IFRD1: variants seen among roughly 807,000 people sequenced by gnomAD.
IFRD1 encodes the protein interferon-related developmental regulator 1.
Under a neutral mutation model 52.9 loss-of-function variants are expected in IFRD1, and 35 were observed. The ratio of observed to expected loss-of-function variants is 0.66; its 90% CI spans 0.51 to 0.88. The LOEUF is 0.88. IFRD1 is among the 40% of genes least tolerant of loss of function. The probability of loss-of-function intolerance (pLI) is 0.00; values close to 1 mark genes in which losing one functional copy is unlikely to be tolerated. For synonymous variants in IFRD1, 184 were observed against 188.4 expected (o/e 0.98, Z 0.19); for missense variants, 517 against 550.8 (o/e 0.94, Z 0.61).
intron 1 of IFRD1, among the ~76,000 whole-genome samples, chr7:112,445,276 C>T (rs922804258): frequency 6.6e-6 from 1 of 151,958 alleles, no homozygotes; most frequent in Non-Finnish European, 1.5e-5. Flanking sequence ...CCGTGTTAGC[C>T]AGGATGGTCT....
At chr7:112,450,235 C>A (rs12531636), upstream of IFRD1, 24,640 of 180,074 alleles carry the variant, frequency 0.14, 1,985 homozygotes, top group South Asian at 0.28. Context: ...CCGGCCCCAG[C>A]CTTACTACGT....
At chr7:112,423,801 C>T (rs961068779) in intron 1 of IFRD1, among the ~76,000 whole-genome samples, 1 of 152,128 alleles carries the variant, frequency 6.6e-6, no homozygotes, top group Non-Finnish European at 1.5e-5. Context: ...TTTTCAAGAT[C>T]GACATGCTTT....
chr7:112,463,382 T>C (rs1439983254), intron 8 of IFRD1, among the ~76,000 whole-genome samples: 1 of 152,206 alleles, frequency 6.6e-6, no homozygotes, highest in African/African-American at 2.4e-5. Flanking sequence ...ACAGGATTAA[T>C]ACAGTTCTGC....
intron 8 of IFRD1, among the ~76,000 whole-genome samples, chr7:112,466,666 G>A (rs2117322504): frequency 6.6e-6 from 1 of 152,170 alleles, no homozygotes; most frequent in East Asian, 1.9e-4. Flanking sequence ...TTAAAATAAT[G>A]TATAGAATTT....
At position 112,475,701 on chromosome 7, in the gene IFRD1, T is replaced by C. The variant is rs895514715; in HGVS notation, c.*182T>C. 18 of 560,576 alleles carry C rather than the reference T, an allele frequency of 3.2e-5. No individual in the cohort carries two copies. The highest frequency in any genetic ancestry group is 2.6e-4 in the African/African-American group (14 of 53,020). The allele number at this position is 560,576 out of a possible 1,614,324, so 34.7% of individuals were successfully genotyped here. On this transcript the variant is annotated 3_prime_UTR_variant, in exon 12 of 12. Transcript: ENST00000403825. ...GGTGAGTTCTGATTATTAAATATTCTCTGTAAATCAGTAAACATGTATAAA... is the reference window on the plus strand; with the variant it reads ...GGTGAGTTCTGATTATTAAATATTCCCTGTAAATCAGTAAACATGTATAAA...
rs572586399 is a variant in IFRD1 at position 112,445,446 on chromosome 7, T to C, written c.-181-5062T>C. 2.8e-4 allele frequency among the ~76,000 whole-genome samples: 43 copies of C among 152,312 alleles called. No homozygotes were observed. The South Asian group carries it at 8.5e-3, about 30-fold the overall frequency. ...AAGTTGCAAAACCTCTCTAAGCTCATTTCTTCATCCACAAAATGGTAAAAC... is the reference window on the plus strand; with the variant it reads ...AAGTTGCAAAACCTCTCTAAGCTCACTTCTTCATCCACAAAATGGTAAAAC... On this transcript the variant is annotated intron_variant, in intron 1 of 12. Transcript: ENST00000005558.
In IFRD1 at chr7:112,450,599, G is replaced by A; in HGVS notation, c.-90G>A. 9.6e-7 allele frequency: 1 copy of A among 1,041,032 alleles called. No homozygotes were observed. Among genetic ancestry groups the A allele is most frequent in the South Asian group, 1.3e-5 (1 of 76,996 alleles). The allele number at this position is 1,041,032 out of a possible 1,614,324, so 64.5% of individuals were successfully genotyped here. Reference sequence around the variant, plus strand: ...TTAGCCGAAGACTCGCCTCTCAGCCGCCCGCCGCACAGACGCACGAGTAAA... The same window carrying A: ...TTAGCCGAAGACTCGCCTCTCAGCCACCCGCCGCACAGACGCACGAGTAAA... On this transcript the variant is annotated 5_prime_UTR_variant, in exon 1 of 12. Coordinates refer to ENST00000403825, the MANE Select transcript of IFRD1 (RefSeq NM_001550.4).
At chr7:112,457,197 T>G in intron 4 of IFRD1, 159 bp downstream of exon 4, 1 of 738,496 alleles carries the variant, frequency 1.4e-6, no homozygotes, top group South Asian at 1.6e-5. Flanking sequence ...AAATGAGACT[T>G]GTTAGAACTT....
intron 1 of IFRD1, among the ~76,000 whole-genome samples, chr7:112,445,330 T>G (rs1795002859): frequency 6.6e-6 from 1 of 151,930 alleles, no homozygotes. Context: ...CCTCCCAGAG[T>G]GCTAGGATTA....
At chr7:112,461,593 A>T (rs1212451847) in intron 5 of IFRD1, 5 of 228,614 alleles carry the variant, frequency 2.2e-5, no homozygotes, top group Non-Finnish European at 2.5e-5. Context: ...CATGCTTTTG[A>T]TTTTATGGAT....
intron 8 of IFRD1, among the ~76,000 whole-genome samples, chr7:112,463,853 TACACACACACAC>T (rs72284919): frequency 9.2e-5 from 4 of 43,456 alleles, no homozygotes; most frequent in South Asian, 9.4e-4. Flanking sequence ...CACATTTATA[TACACACACACAC>T]ACACACACAC....
At chr7:112,452,024 A>G in intron 1 of IFRD1, 3 of 982,894 alleles carry the variant, frequency 3.1e-6, no homozygotes, top group Non-Finnish European at 3.6e-6. Context: ...TTCTTAAAAC[A>G]GCAATTTTTT....
At chr7:112,445,532 A>G (rs974610016), upstream of IFRD1, among the ~76,000 whole-genome samples, 2 of 152,234 alleles carry the variant, frequency 1.3e-5, no homozygotes, top group Non-Finnish European at 2.9e-5. Flanking sequence ...ACAGTCTAGA[A>G]CAGTGGCAGT....
At chr7:112,448,713 G>A (rs1795084586), upstream of IFRD1, among the ~76,000 whole-genome samples, 1 of 152,242 alleles carries the variant, frequency 6.6e-6, no homozygotes, top group African/African-American at 2.4e-5. Flanking sequence ...GCCGTGTGGG[G>A]AGGTAATAAG....
chr7:112,468,766 G>C (rs1377364020), intron 9 of IFRD1, among the ~76,000 whole-genome samples: 1 of 152,164 alleles, frequency 6.6e-6, no homozygotes. Context: ...CCAAAGTGCT[G>C]GGATTACAGG....
chr7:112,472,145 A>G (rs1408240687), intron 9 of IFRD1, 74 bp from the exon 10 acceptor site: 2 of 1,461,176 alleles, frequency 1.4e-6, no homozygotes, highest in East Asian at 4.5e-5. Flanking sequence ...ATGACTGTTT[A>G]GAAATTGTGT....
At chr7:112,464,681 C>G (rs1563270122) in intron 8 of IFRD1, among the ~76,000 whole-genome samples, 1 of 152,102 alleles carries the variant, frequency 6.6e-6, no homozygotes, top group Non-Finnish European at 1.5e-5. Context: ...TGTAGAGTAA[C>G]TTAATATAAG....
At chr7:112,471,772 G>C (rs1323117919) in intron 9 of IFRD1, among the ~76,000 whole-genome samples, 1 of 151,826 alleles carries the variant, frequency 6.6e-6, no homozygotes, top group Non-Finnish European at 1.5e-5. Flanking sequence ...TTTCCTTTTT[G>C]CTTGGTCAGT....
chr7:112,438,070 A>G lies in IFRD1; in HGVS notation c.-181-12438A>G, dbSNP rs569779447. Among the ~76,000 whole-genome samples, 19 of 152,304 alleles carry G rather than the reference A, an allele frequency of 1.2e-4. No homozygotes were observed. In the South Asian group the frequency reaches 3.5e-3, roughly 28 times the overall value. On this transcript the variant is annotated intron_variant, in intron 1 of 12. Transcript: ENST00000005558. ...TTGCTAAATATGACCAGTCTGTGGGATAGTAAATGAAGAAGACAGTGATTA... is the reference window on the plus strand; with the variant it reads ...TTGCTAAATATGACCAGTCTGTGGGGTAGTAAATGAAGAAGACAGTGATTA...
Sources: allele counts gnomAD v4.1 joint callset (sites outside exome capture counted in the v4.1 genomes callset), GRCh38; gene constraint gnomAD v4.1.1; transcripts MANE v1.5; gene names NCBI Gene and HGNC (gene_info 2026-07-23, HGNC 2026-07-21).